RGS6: variants seen among roughly 807,000 people sequenced by gnomAD.
RGS6 encodes regulator of G protein signaling 6.
In RGS6, 30 loss-of-function variants were observed where a neutral mutation model predicts 78.5. The ratio of observed to expected loss-of-function variants is 0.38; its 90% CI spans 0.29 to 0.52. The LOEUF is 0.52. Among genes scored for constraint, RGS6 ranks in the 20% least tolerant of loss-of-function variants. The probability of loss-of-function intolerance (pLI) is 0.85; values close to 1 mark genes in which losing one functional copy is unlikely to be tolerated. For missense variants in RGS6, 495 were observed against 609.7 expected, an observed-to-expected ratio of 0.81 and a Z score of 1.98; for synonymous variants, 206 against 206.0, an observed-to-expected ratio of 1.00 and a Z score of 0.00.
chr14:72,584,655 G>T, the RGS6 span, among the ~76,000 whole-genome samples: 19 of 152,292 alleles, frequency 1.2e-4, no homozygotes, highest in East Asian at 3.5e-3. Flanking sequence ...AGAGTAAAGC[G>T]CCAGCCTCTG....
chr14:72,191,937 G>T (rs113013671), intron 2 of RGS6, among the ~76,000 whole-genome samples: 3,188 of 152,250 alleles, frequency 0.021, 44 homozygotes, highest in Non-Finnish European at 0.032. Flanking sequence ...CCCAAGGTGG[G>T]ATCAGGCTCC....
chr14:72,198,381 C>G (rs2040694375), intron 2 of RGS6, among the ~76,000 whole-genome samples: 1 of 152,236 alleles, frequency 6.6e-6, no homozygotes, highest in Non-Finnish European at 1.5e-5. Flanking sequence ...TCTCCAACAT[C>G]TTGCATAAGG....
chr14:72,384,797 C>G (rs1292221344), intron 3 of RGS6, among the ~76,000 whole-genome samples: 1 of 152,130 alleles, frequency 6.6e-6, no homozygotes, highest in Non-Finnish European at 1.5e-5. Context: ...GTCACCCAGG[C>G]TGGAGTGCAG....
chr14:72,260,456 T>G (rs925476316), intron 2 of RGS6, among the ~76,000 whole-genome samples: 5 of 152,230 alleles, frequency 3.3e-5, no homozygotes, highest in South Asian at 2.1e-4. Flanking sequence ...AAAGTTGTGT[T>G]GTGGCCACCA....
At chr14:72,094,688 C>T (rs538880020) in intron 2 of RGS6, among the ~76,000 whole-genome samples, 2 of 152,228 alleles carry the variant, frequency 1.3e-5, no homozygotes, top group East Asian at 3.9e-4. Context: ...GCTTTAACTC[C>T]TCTCTTTTTT....
rs146999877 is a variant in RGS6 at position 72,266,034 on chromosome 14, C to T, written c.85-86061C>T. ...TATAGCAAACTATCCCCAAATCTAACGGCTTAACACAGTAAACTGTTTCCC... is the reference window on the plus strand; with the variant it reads ...TATAGCAAACTATCCCCAAATCTAATGGCTTAACACAGTAAACTGTTTCCC... On this transcript the variant is annotated intron_variant, in intron 2 of 17. Transcript: ENST00000553525. Among the ~76,000 whole-genome samples, 608 of 152,196 alleles carry T rather than the reference C, an allele frequency of 4.0e-3. 7 individuals carry two copies. The highest frequency in any genetic ancestry group is 0.014 in the African/African-American group (572 of 41,550).
chr14:72,305,803 C>T (rs1380970949), intron 2 of RGS6, among the ~76,000 whole-genome samples: 4 of 152,194 alleles, frequency 2.6e-5, no homozygotes, highest in Non-Finnish European at 2.9e-5. Context: ...ACATCTCTCA[C>T]TTTAAGTTAA....
At chr14:71,879,529 G>A in the RGS6 span, among the ~76,000 whole-genome samples, 12 of 152,148 alleles carry the variant, frequency 7.9e-5, no homozygotes, top group African/African-American at 2.9e-4. Context: ...GAGGGACCTG[G>A]TGGGAGGTAA....
chr14:72,168,365 C>T (rs1019645370), intron 2 of RGS6, among the ~76,000 whole-genome samples: 6 of 152,228 alleles, frequency 3.9e-5, no homozygotes, highest in African/African-American at 7.2e-5. Flanking sequence ...TGAGAGTGGA[C>T]GTGGAATCCT....
At chr14:72,376,186 A>G (rs887419256) in intron 3 of RGS6, among the ~76,000 whole-genome samples, 3 of 152,228 alleles carry the variant, frequency 2.0e-5, no homozygotes, top group Non-Finnish European at 2.9e-5. Context: ...ACCAAATTCT[A>G]TGGCTGAAGA....
At chr14:72,326,777 G>A (rs769154548) in intron 2 of RGS6, among the ~76,000 whole-genome samples, 13 of 152,190 alleles carry the variant, frequency 8.5e-5, no homozygotes, top group Non-Finnish European at 8.8e-5. Context: ...ATCTTGGTTC[G>A]GCTCACTGCA....
intron 2 of RGS6, among the ~76,000 whole-genome samples, chr14:72,103,712 G>A (rs1364770075): frequency 6.6e-6 from 1 of 152,194 alleles, no homozygotes; most frequent in African/African-American, 2.4e-5. Flanking sequence ...TGTTCCCACA[G>A]TGGAGACAGG....
At chr14:72,196,992 G>C (rs996429946) in intron 2 of RGS6, among the ~76,000 whole-genome samples, 1 of 152,188 alleles carries the variant, frequency 6.6e-6, no homozygotes, top group Non-Finnish European at 1.5e-5. Context: ...GAGAATGAAA[G>C]AAAAGATTGG....
intron 2 of RGS6, among the ~76,000 whole-genome samples, chr14:72,333,783 C>T (rs1285201102): frequency 2.0e-5 from 3 of 152,122 alleles, no homozygotes; most frequent in African/African-American, 7.2e-5. Flanking sequence ...TTCCCAAAAC[C>T]CTCCATCCCC....
At chr14:72,539,788 C>T (rs557556529) in intron 16 of RGS6, among the ~76,000 whole-genome samples, 22 of 152,206 alleles carry the variant, frequency 1.4e-4, no homozygotes, top group Non-Finnish European at 2.8e-4. Context: ...TCATGGCCCC[C>T]GGAGAAGCAA....
intron 17 of RGS6, among the ~76,000 whole-genome samples, chr14:72,547,904 G>C (rs997353464): frequency 1.3e-5 from 2 of 152,150 alleles, no homozygotes; most frequent in Non-Finnish European, 2.9e-5. Context: ...CTGTTAAGAA[G>C]GGTAACCTTA....
At chr14:72,307,415 A>G (rs947301278) in intron 2 of RGS6, among the ~76,000 whole-genome samples, 2 of 152,162 alleles carry the variant, frequency 1.3e-5, no homozygotes, top group African/African-American at 4.8e-5. Context: ...CAAGATTTTA[A>G]TGGCTTCACT....
chr14:72,395,348 A>G (rs1458158442), intron 3 of RGS6, among the ~76,000 whole-genome samples: 1 of 152,178 alleles, frequency 6.6e-6, no homozygotes, highest in Non-Finnish European at 1.5e-5. Flanking sequence ...ATATATATGG[A>G]TACATCCTTA....
intron 2 of RGS6, among the ~76,000 whole-genome samples, chr14:72,285,380 G>A (rs948885615): frequency 1.3e-5 from 2 of 152,148 alleles, no homozygotes; most frequent in African/African-American, 4.8e-5. Context: ...TCATGGTAGT[G>A]AATAAGTCTC....
Sources: gnomAD v4.1 joint callset for allele counts (sites outside exome capture counted in the v4.1 genomes callset) on GRCh38, gnomAD v4.1.1 for gene constraint, MANE v1.5 for transcripts, NCBI Gene and HGNC (gene_info 2026-07-23, HGNC 2026-07-21) for gene names.